The following PLA2G4C variants were observed in gnomAD, a reference collection of about 807,000 sequenced individuals.
The protein encoded by PLA2G4C is cytosolic phospholipase A2 gamma.
In PLA2G4C, 64 loss-of-function variants were observed where a neutral mutation model predicts 73.8. The observed-to-expected ratio is 0.87, with a 90% CI of 0.71 to 1.07. The LOEUF is 1.07. PLA2G4C is among the 50% of genes least tolerant of loss of function. The pLI is 0.00. For synonymous variants in PLA2G4C, 254 were observed against 252.1 expected (o/e 1.01, Z -0.07); for missense variants, 622 against 665.4 (o/e 0.93, Z 0.72).
At chr19:48,091,893 AAAAAAAAAAAAAAAAAT>A (rs1278044086) in intron 7 of PLA2G4C, among the ~76,000 whole-genome samples, 1 of 143,674 alleles carries the variant, frequency 7.0e-6, no homozygotes, top group African/African-American at 2.6e-5. Context: ...CAAAAAAAAA[AAAAAAAAAAAAAAAAAT>A]AGACACACCC....
chr19:48,096,187 G>C (rs549023457), intron 6 of PLA2G4C, among the ~76,000 whole-genome samples: 1 of 152,184 alleles, frequency 6.6e-6, no homozygotes, highest in African/African-American at 2.4e-5. Flanking sequence ...GTGATTTCTA[G>C]GTCTGGGAAT....
chr19:48,104,566 C>A (rs2032070471), intron 4 of PLA2G4C, 22 bp downstream of exon 4: 1 of 1,611,190 alleles, frequency 6.2e-7, no homozygotes, highest in African/African-American at 1.3e-5. Context: ...AGAAAGCAAT[C>A]TGAAACATGA....
Position 48,099,855 on chromosome 19 carries a change from A to T in PLA2G4C, c.263T>A (p.Ile88Lys). The change falls in exon 5 of 17, where the codon ATA becomes AAA. Residue 88 changes from isoleucine (I) to lysine (K), a missense_variant. Ile to Lys is a moderately radical substitution (Grantham distance 102). Transcript: ENST00000599921. ...ACCATCATTGGTGTAGAGAGAAGAT[A>T]TTGCCCTGGAGGACAGAGGAAGAGA... ...LAGVSGSTWA[I>K]SSLYTNDGDM... 3 of 1,610,924 alleles carry T rather than the reference A, an allele frequency of 1.9e-6. No homozygotes were observed. The highest frequency in any genetic ancestry group is 2.5e-6 in the Non-Finnish European group (3 of 1,177,572).
At chr19:48,054,183 T>A (rs1196484449) in intron 15 of PLA2G4C, among the ~76,000 whole-genome samples, 1 of 152,170 alleles carries the variant, frequency 6.6e-6, no homozygotes, top group Admixed American at 6.5e-5. Context: ...CACCCAAATC[T>A]CATCTTGAAT....
At chr19:48,083,150 A>C (rs1405184397) in intron 10 of PLA2G4C, among the ~76,000 whole-genome samples, 1 of 151,946 alleles carries the variant, frequency 6.6e-6, no homozygotes, top group African/African-American at 2.4e-5. Context: ...AGACATAATA[A>C]AAATAATATT....
intron 4 of PLA2G4C, among the ~76,000 whole-genome samples, chr19:48,100,603 TAAAAAAAAAAAAA>T (rs745962740): frequency 2.5e-5 from 1 of 40,658 alleles, no homozygotes; most frequent in Admixed American, 3.2e-4. Flanking sequence ...TGACTCCATC[TAAAAAAAAAAAAA>T]AAAAAAAAAA....
At chr19:48,085,326 T>G (rs1248301252) in intron 9 of PLA2G4C, among the ~76,000 whole-genome samples, 1 of 152,136 alleles carries the variant, frequency 6.6e-6, no homozygotes. Context: ...GACAGATTTG[T>G]CCTCAGGAAC....
chr19:48,076,774 G>C (rs2122558231), intron 11 of PLA2G4C, among the ~76,000 whole-genome samples: 1 of 151,576 alleles, frequency 6.6e-6, no homozygotes, highest in Non-Finnish European at 1.5e-5. Flanking sequence ...AAAAGGAAAG[G>C]AAAAAAAAGA....
intron 11 of PLA2G4C, 64 bp downstream of exon 11, chr19:48,077,707 T>G (rs1017865781): frequency 3.3e-6 from 4 of 1,204,228 alleles, no homozygotes; most frequent in Non-Finnish European, 2.4e-6. Flanking sequence ...GGACAATGGC[T>G]GGCTTCAAGC....
intron 9 of PLA2G4C, among the ~76,000 whole-genome samples, chr19:48,086,513 C>A (rs114294752): frequency 0.027 from 4,173 of 152,222 alleles, 149 homozygotes; most frequent in African/African-American, 0.084. Flanking sequence ...CCAGCCCACA[C>A]CTGGCTTTGC....
intron 14 of PLA2G4C, among the ~76,000 whole-genome samples, chr19:48,057,457 TTCTTC>T: frequency 2.1e-5 from 1 of 47,516 alleles, no homozygotes; most frequent in Non-Finnish European, 3.7e-5. Flanking sequence ...CAACAAGTGT[TTCTTC>T]TTCTTCTTCT....
chr19:48,104,079 C>A, intron 4 of PLA2G4C: 1 of 153,852 alleles, frequency 6.5e-6, no homozygotes, highest in Non-Finnish European at 1.4e-5. Flanking sequence ...AATTTTTTCA[C>A]TTTTTGTAGA....
intron 14 of PLA2G4C, among the ~76,000 whole-genome samples, chr19:48,057,483 CTTTTTTTT>C (rs1171271257): frequency 1.7e-4 from 3 of 17,926 alleles, no homozygotes; most frequent in Admixed American, 2.4e-3. Flanking sequence ...TCTTCTTCTT[CTTTTTTTT>C]TTTTTTTTTT....
At position 48,079,890 on chromosome 19, in the gene PLA2G4C, G is replaced by A. The variant is rs542466028; in HGVS notation, c.845-2066C>T. 1.9e-4 allele frequency among the ~76,000 whole-genome samples: 29 copies of A among 152,330 alleles called. 1 individual carries two copies. The highest frequency in any genetic ancestry group is 1.0e-3 in the South Asian group (5 of 4,830). On this transcript the variant is annotated intron_variant, in intron 10 of 16. Transcript: ENST00000599921. ...GCAGGAGAATTGCTTGAGTCTGGGA[G>A]GCGGAGATTGCAGTGAGCCGAGATC... is the stretch of plus-strand genomic sequence containing the variant.
At chr19:48,090,784 C>T (rs393412) in intron 7 of PLA2G4C, among the ~76,000 whole-genome samples, 8 of 152,036 alleles carry the variant, frequency 5.3e-5, no homozygotes, top group African/African-American at 7.3e-5. Context: ...AGCTAGGGGA[C>T]GGTCAAGCTC....
chr19:48,062,207 C>T, intron 13 of PLA2G4C, 55 bp from the exon 14 acceptor site: 2 of 1,453,778 alleles, frequency 1.4e-6, no homozygotes, highest in Non-Finnish European at 1.8e-6. Context: ...GAAAGCAAGA[C>T]TTGGAAATGG....
At chr19:48,094,287 A>G (rs2031459747) in intron 7 of PLA2G4C, among the ~76,000 whole-genome samples, 1 of 152,198 alleles carries the variant, frequency 6.6e-6, no homozygotes, top group African/African-American at 2.4e-5. Flanking sequence ...ATGATCTGAC[A>G]TTATAATACA....
chr19:48,100,239 A>T (rs1468550163), intron 4 of PLA2G4C, among the ~76,000 whole-genome samples: 1 of 152,122 alleles, frequency 6.6e-6, no homozygotes, highest in Non-Finnish European at 1.5e-5. Flanking sequence ...GAACGGGGCC[A>T]GGTGTGGTGG....
chr19:48,076,056 C>T (rs1600199243), intron 11 of PLA2G4C, among the ~76,000 whole-genome samples: 1 of 152,344 alleles, frequency 6.6e-6, no homozygotes, highest in Middle Eastern at 3.4e-3. Flanking sequence ...CTTGGGCTTC[C>T]AGCCTCCAGA....
Sources: gnomAD v4.1 joint callset for allele counts (sites outside exome capture counted in the v4.1 genomes callset) on GRCh38, gnomAD v4.1.1 for gene constraint, MANE v1.5 for transcripts, NCBI Gene and HGNC (gene_info 2026-07-23, HGNC 2026-07-21) for gene names.